PTPRT: variants seen among roughly 807,000 people sequenced by gnomAD.
PTPRT encodes the protein receptor-type tyrosine-protein phosphatase T.
A neutral mutation model predicts 176.8 loss-of-function variants in PTPRT; 56 were observed. The observed-to-expected ratio is 0.32, with a 90% CI of 0.26 to 0.40. PTPRT has a LOEUF of 0.40. Among genes scored for constraint, PTPRT ranks in the 10% least tolerant of loss-of-function variants. PTPRT has a pLI of 1.00. For missense variants in PTPRT, 1,540 were observed against 1,908.2 expected (o/e 0.81, Z 3.60); for synonymous variants, 783 against 739.0 (o/e 1.06, Z -0.96).
intron 13 of PTPRT, among the ~76,000 whole-genome samples, chr20:42,262,012 G>A (rs1195242659): frequency 6.6e-6 from 1 of 152,212 alleles, no homozygotes. Context: ...GGATCAGACA[G>A]AGGAGCCAGT....
chr20:42,553,970 A>G (rs2072815165), intron 7 of PTPRT, among the ~76,000 whole-genome samples: 1 of 152,172 alleles, frequency 6.6e-6, no homozygotes, highest in Admixed American at 6.5e-5. Flanking sequence ...TGGCAGGGAC[A>G]GCAGAGTAGA....
At chr20:42,946,018 A>C (rs1427635281) in intron 1 of PTPRT, among the ~76,000 whole-genome samples, 3 of 152,154 alleles carry the variant, frequency 2.0e-5, no homozygotes, top group Non-Finnish European at 4.4e-5. Context: ...TTTCACTTAG[A>C]ATAATGTTCT....
At chr20:42,678,246 C>G in intron 6 of PTPRT, 87 bp from the exon 7 acceptor site, 4 of 1,273,986 alleles carry the variant, frequency 3.1e-6, no homozygotes, top group Non-Finnish European at 4.3e-6. Context: ...GGACAGAATT[C>G]TTGATGTAGC....
At chr20:43,188,044 T>A (rs2015439827) in intron 1 of PTPRT, among the ~76,000 whole-genome samples, 1 of 152,144 alleles carries the variant, frequency 6.6e-6, no homozygotes, top group South Asian at 2.1e-4. Context: ...ATATTTTTGA[T>A]CCTGTTTCTG....
intron 1 of PTPRT, among the ~76,000 whole-genome samples, chr20:43,073,480 T>C (rs62205285): frequency 0.12 from 17,709 of 149,604 alleles, 1,253 homozygotes; most frequent in African/African-American, 0.19. Context: ...TATATATATA[T>C]ACACACACAC....
chr20:42,741,810 A>G (rs1039968787), intron 6 of PTPRT, among the ~76,000 whole-genome samples: 1 of 152,070 alleles, frequency 6.6e-6, no homozygotes, highest in Non-Finnish European at 1.5e-5. Flanking sequence ...CAATACCTAG[A>G]CGTACTAGAT....
chr20:42,119,921 G>A lies in PTPRT; in HGVS notation c.2884+14C>T. 1.2e-6 allele frequency: 2 copies of A among 1,606,720 alleles called. No homozygotes were observed. The highest frequency in any genetic ancestry group is 1.7e-6 in the Non-Finnish European group (2 of 1,176,054). ...AAGCCTCTCTGAGGCACTAGGTGGA[G>A]GGAGGGCACTTACCTTGAGTCGCAA... is the stretch of plus-strand genomic sequence containing the variant. On this transcript the variant is annotated intron_variant, in intron 20 of 30. Transcript: ENST00000373187.
rs1014247326 is a variant in PTPRT at position 42,840,131 on chromosome 20, T to C, written c.214+45676A>G. ...TCTGAAACCTATAGGGAAGAATCTT[T>C]CCTTGCCTCCTCCTAACTTCTCGTG... On this transcript the variant is annotated intron_variant, in intron 2 of 30. Transcript: ENST00000373187. Among the ~76,000 whole-genome samples the C allele has an allele frequency of 2.6e-5, 4 of 152,272 alleles. No individual in the cohort carries two copies. The East Asian group carries it at 7.7e-4, about 29-fold the overall frequency.
At chr20:42,528,414 A>AT (rs2072317309) in intron 7 of PTPRT, among the ~76,000 whole-genome samples, 1 of 148,194 alleles carries the variant, frequency 6.7e-6, no homozygotes, top group African/African-American at 2.6e-5. Context: ...ATGAATGGAT[A>AT]AATGAATATC....
At chr20:42,564,335 A>G (rs766545752) in intron 7 of PTPRT, among the ~76,000 whole-genome samples, 17 of 152,272 alleles carry the variant, frequency 1.1e-4, no homozygotes, top group Non-Finnish European at 2.5e-4. Context: ...AGAGCAGAAA[A>G]GCCCAATACA....
At chr20:42,060,198 A>T in the PTPRT span, among the ~76,000 whole-genome samples, 1 of 152,176 alleles carries the variant, frequency 6.6e-6, no homozygotes, top group East Asian at 1.9e-4. Context: ...GTAGACCCAG[A>T]GCTAGAATTC....
intron 7 of PTPRT, among the ~76,000 whole-genome samples, chr20:42,554,873 A>G (rs1234477405): frequency 6.6e-6 from 1 of 152,158 alleles, no homozygotes; most frequent in Non-Finnish European, 1.5e-5. Flanking sequence ...GGGAGTTATT[A>G]TTTTTTAGAT....
chr20:42,723,302 A>C lies in PTPRT; in HGVS notation c.859+33160T>G, dbSNP rs58827305. ...GAAAAAGGGGCCACACCAAGAACACACAGAAAACGAGGGCTTGAATATGGT... is the reference window on the plus strand; with the variant it reads ...GAAAAAGGGGCCACACCAAGAACACCCAGAAAACGAGGGCTTGAATATGGT... On this transcript the variant is annotated intron_variant, in intron 6 of 30. Transcript: ENST00000373187. Among the ~76,000 whole-genome samples the C allele has an allele frequency of 3.3e-3, 502 of 152,272 alleles. 10 individuals carry two copies. In the East Asian group the frequency reaches 0.062, roughly 19 times the overall value.
chr20:42,969,950 T>C (rs1029397101), intron 1 of PTPRT, among the ~76,000 whole-genome samples: 3 of 152,182 alleles, frequency 2.0e-5, no homozygotes, highest in Non-Finnish European at 4.4e-5. Context: ...AAACCCATTA[T>C]ATGGATGAGG....
intron 11 of PTPRT, 149 bp downstream of exon 11, chr20:42,350,479 G>C (rs2058266944): frequency 2.9e-6 from 2 of 683,962 alleles, no homozygotes; most frequent in Non-Finnish European, 5.1e-6. Flanking sequence ...CCTTTGAACT[G>C]GGCTTGGGGC....
intron 6 of PTPRT, among the ~76,000 whole-genome samples, chr20:42,729,257 G>C (rs1023531384): frequency 2.0e-5 from 3 of 152,094 alleles, no homozygotes; most frequent in African/African-American, 7.2e-5. Flanking sequence ...TCTCCTTTCT[G>C]AGTCTACCCA....
rs140146146 is a variant in PTPRT, at chr20:42,914,654, G to A, written c.89-28722C>T. Among the ~76,000 whole-genome samples the A allele has an allele frequency of 1.8e-4, 27 of 152,240 alleles. No homozygotes were observed. In the East Asian group the frequency reaches 5.0e-3, roughly 28 times the overall value. On this transcript the variant is annotated intron_variant, in intron 1 of 30. Transcript: ENST00000373187. ...AGCCAAAACTAGAGGAAACACAAAC[G>A]GATCAGTGCTTATCAGGAGTTGAGG...
At chr20:42,457,893 G>A (rs1045944590) in intron 8 of PTPRT, among the ~76,000 whole-genome samples, 4 of 152,130 alleles carry the variant, frequency 2.6e-5, no homozygotes, top group African/African-American at 4.8e-5. Flanking sequence ...TAGGCTTGGA[G>A]GGGGAGCTCT....
chr20:42,112,328 A>T (rs1987044150), intron 22 of PTPRT, among the ~76,000 whole-genome samples: 1 of 152,144 alleles, frequency 6.6e-6, no homozygotes, highest in Admixed American at 6.5e-5. Context: ...TCTTCTGAAG[A>T]GAACTGTTCT....
Sources: allele counts gnomAD v4.1 joint callset (sites outside exome capture counted in the v4.1 genomes callset), GRCh38; gene constraint gnomAD v4.1.1; transcripts MANE v1.5; gene names NCBI Gene and HGNC (gene_info 2026-07-23, HGNC 2026-07-21).